The following LARP4B variants were observed in gnomAD, a reference collection of about 807,000 sequenced individuals.
The protein encoded by LARP4B is la-related protein 4B.
A neutral mutation model predicts 89.8 loss-of-function variants in LARP4B; 12 were observed. The observed-to-expected ratio is 0.13, with a 90% confidence interval of 0.09 to 0.22. LARP4B has a LOEUF of 0.22. LARP4B is among the 10% of genes least tolerant of loss of function. The pLI, the probability that LARP4B is intolerant of heterozygous loss-of-function variation, is 1.00. For missense variants in LARP4B, 757 were observed against 947.7 expected, an observed-to-expected ratio of 0.80 and a Z score of 2.64; for synonymous variants, 367 against 363.3, an observed-to-expected ratio of 1.01 and a Z score of -0.12.
At chr10:887,461 A>G (rs12260117) in intron 1 of LARP4B, among the ~76,000 whole-genome samples, 92 of 151,718 alleles carry the variant, frequency 6.1e-4, no homozygotes, top group African/African-American at 2.2e-3. Flanking sequence ...TATAAATCCC[A>G]GCACTTTGGG....
intron 7 of LARP4B, among the ~76,000 whole-genome samples, chr10:840,503 GA>G (rs35220701): frequency 6.6e-6 from 1 of 152,128 alleles, no homozygotes; most frequent in Non-Finnish European, 1.5e-5. Flanking sequence ...ATTCTTGTTG[GA>G]ATATGTAGGC....
the LARP4B span, among the ~76,000 whole-genome samples, chr10:982,960 T>A: frequency 3.3e-5 from 5 of 152,228 alleles, no homozygotes; most frequent in Non-Finnish European, 7.3e-5. Flanking sequence ...GATGCTTTAA[T>A]GGAGTTTTTA....
At chr10:854,568 AT>A (rs1386428575) in intron 5 of LARP4B, among the ~76,000 whole-genome samples, 4 of 152,254 alleles carry the variant, frequency 2.6e-5, no homozygotes, top group Admixed American at 6.5e-5. Flanking sequence ...AATCTGAAAA[AT>A]ATCTTTGTTT....
At chr10:834,646 T>A (rs1453076299) in intron 8 of LARP4B, among the ~76,000 whole-genome samples, 1 of 152,174 alleles carries the variant, frequency 6.6e-6, no homozygotes, top group Non-Finnish European at 1.5e-5. Flanking sequence ...TTAAACCTTC[T>A]CTCTTAAGAC....
At chr10:951,935 C>T in the LARP4B span, among the ~76,000 whole-genome samples, 7 of 148,798 alleles carry the variant, frequency 4.7e-5, no homozygotes, top group African/African-American at 1.2e-4. Flanking sequence ...AACATACAAC[C>T]TTTAAAAGGA....
intron 15 of LARP4B, 27 bp downstream of exon 15, chr10:817,698 C>G: frequency 6.2e-7 from 1 of 1,603,834 alleles, no homozygotes; most frequent in South Asian, 1.1e-5. Flanking sequence ...CTGTTGGCAA[C>G]TATTAGACAT....
At chr10:895,364 T>C (rs1046690682) in intron 1 of LARP4B, among the ~76,000 whole-genome samples, 5 of 151,894 alleles carry the variant, frequency 3.3e-5, no homozygotes, top group African/African-American at 1.2e-4. Context: ...GTAAACAAAT[T>C]TATTAACAAT....
chr10:923,699 G>T (rs1437687634), intron 1 of LARP4B, among the ~76,000 whole-genome samples: 2 of 152,104 alleles, frequency 1.3e-5, no homozygotes, highest in Non-Finnish European at 2.9e-5. Context: ...TTTAAAAAGA[G>T]AATGTTCAAC....
chr10:985,759 T>G, the LARP4B span: 4 of 152,244 alleles, frequency 2.6e-5, no homozygotes, highest in African/African-American at 7.2e-5. Context: ...AGAAGCTTGA[T>G]TCCAACCGCT....
At chr10:924,334 C>T (rs1456013190) in intron 1 of LARP4B, 1 of 152,174 alleles carries the variant, frequency 6.6e-6, no homozygotes, top group Non-Finnish European at 1.5e-5. Flanking sequence ...GGGGCTTGGC[C>T]TTTTCAACTA....
At chr10:969,940 G>A in the LARP4B span, among the ~76,000 whole-genome samples, 229 of 152,270 alleles carry the variant, frequency 1.5e-3, 1 homozygote, top group African/African-American at 5.4e-3. Context: ...CCACATGGAA[G>A]GCAAGGGACC....
At chr10:909,696 A>G (rs1836615192) in intron 1 of LARP4B, among the ~76,000 whole-genome samples, 1 of 152,134 alleles carries the variant, frequency 6.6e-6, no homozygotes, top group East Asian at 1.9e-4. Context: ...GAGGCTGGAA[A>G]ATCACTTCAA....
intron 5 of LARP4B, among the ~76,000 whole-genome samples, chr10:846,144 G>A (rs527373200): frequency 6.6e-6 from 1 of 152,222 alleles, no homozygotes; most frequent in East Asian, 1.9e-4. Flanking sequence ...AGGTGTCTCC[G>A]GGTCACTCAT....
At chr10:916,747 G>C (rs1208965669) in intron 1 of LARP4B, among the ~76,000 whole-genome samples, 1 of 152,162 alleles carries the variant, frequency 6.6e-6, no homozygotes, top group Non-Finnish European at 1.5e-5. Flanking sequence ...GTGCAGATTA[G>C]AGTGCAGTGG....
At chr10:891,938 T>G (rs1836035737) in intron 1 of LARP4B, among the ~76,000 whole-genome samples, 1 of 152,256 alleles carries the variant, frequency 6.6e-6, no homozygotes, top group Non-Finnish European at 1.5e-5. Flanking sequence ...TATTGACAGC[T>G]GTTTCAATAA....
At chr10:892,079 A>T (rs1836045160) in intron 1 of LARP4B, among the ~76,000 whole-genome samples, 1 of 152,246 alleles carries the variant, frequency 6.6e-6, no homozygotes, top group Non-Finnish European at 1.5e-5. Context: ...AATGGGAGAA[A>T]AGAATCCTCC....
intron 8 of LARP4B, among the ~76,000 whole-genome samples, chr10:832,469 G>A (rs185529178): frequency 3.9e-5 from 6 of 152,330 alleles, no homozygotes; most frequent in Admixed American, 2.0e-4. Context: ...ACAAAAGGCA[G>A]AGGAAAACAT....
At chr10:940,285 G>A in the LARP4B span, among the ~76,000 whole-genome samples, 2 of 152,206 alleles carry the variant, frequency 1.3e-5, no homozygotes, top group Non-Finnish European at 2.9e-5. Context: ...CCAAAGTGCT[G>A]GGATTACAGG....
intron 14 of LARP4B, 38 bp from the exon 15 acceptor site, chr10:817,927 A>C: frequency 1.3e-6 from 2 of 1,584,256 alleles, no homozygotes; most frequent in Non-Finnish European, 1.7e-6. Flanking sequence ...CGGTATGGAG[A>C]GAGAAGGCCA....
Sources: gnomAD v4.1 joint callset for allele counts (sites outside exome capture counted in the v4.1 genomes callset) on GRCh38, gnomAD v4.1.1 for gene constraint, MANE v1.5 for transcripts, NCBI Gene and HGNC (gene_info 2026-07-23, HGNC 2026-07-21) for gene names.